MEGF9: variants seen among roughly 807,000 people sequenced by gnomAD.
MEGF9 encodes multiple EGF like domains 9.
A neutral mutation model predicts 46.8 loss-of-function variants in MEGF9; 6 were observed. The ratio of observed to expected loss-of-function variants is 0.13; its 90% confidence interval spans 0.07 to 0.25. MEGF9 has a LOEUF of 0.25. Among genes scored for constraint, MEGF9 ranks in the 10% least tolerant of loss-of-function variants. The pLI is 1.00. For missense variants in MEGF9, 683 were observed against 792.4 expected (o/e 0.86, Z 1.66); for synonymous variants, 302 against 330.7 (o/e 0.91, Z 0.94).
At chr9:120,644,575 CAG>C (rs1245545724) in intron 2 of MEGF9, among the ~76,000 whole-genome samples, 37 of 152,132 alleles carry the variant, frequency 2.4e-4, no homozygotes, top group Non-Finnish European at 4.9e-4. Flanking sequence ...GATAGTCAGA[CAG>C]ATATTAATTT....
chr9:120,713,038 T>C (rs1053777448), intron 1 of MEGF9, among the ~76,000 whole-genome samples: 12 of 152,286 alleles, frequency 7.9e-5, no homozygotes, highest in African/African-American at 2.9e-4. Context: ...GCTTAAATGG[T>C]GTATTTGGCC....
intron 2 of MEGF9, among the ~76,000 whole-genome samples, chr9:120,633,739 A>C (rs778478806): frequency 3.9e-5 from 6 of 152,046 alleles, no homozygotes; most frequent in Non-Finnish European, 7.4e-5. Context: ...ATTGCTATAA[A>C]GTTTCCTTTT....
At chr9:120,696,043 T>C (rs569094150) in intron 1 of MEGF9, among the ~76,000 whole-genome samples, 2 of 152,328 alleles carry the variant, frequency 1.3e-5, no homozygotes, top group South Asian at 4.1e-4. Flanking sequence ...CAAGTGGCAG[T>C]AGCACTTGTT....
At chr9:120,669,362 A>G (rs2043738842) in intron 1 of MEGF9, among the ~76,000 whole-genome samples, 1 of 152,216 alleles carries the variant, frequency 6.6e-6, no homozygotes. Flanking sequence ...AAATAAAATT[A>G]GAGCTGGTCA....
chr9:120,628,926 C>T (rs2043538877), intron 2 of MEGF9, among the ~76,000 whole-genome samples: 1 of 152,100 alleles, frequency 6.6e-6, no homozygotes, highest in South Asian at 2.1e-4. Flanking sequence ...AATCTCATAG[C>T]CTCTGAAAAC....
intron 2 of MEGF9, among the ~76,000 whole-genome samples, chr9:120,630,912 C>A (rs1474737869): frequency 1.3e-5 from 2 of 152,160 alleles, no homozygotes; most frequent in African/African-American, 4.8e-5. Context: ...TTGCAAATAT[C>A]TTCTCCCATT....
At chr9:120,624,237 C>T (rs372692663) in intron 2 of MEGF9, among the ~76,000 whole-genome samples, 16 of 151,922 alleles carry the variant, frequency 1.1e-4, no homozygotes, top group Non-Finnish European at 1.8e-4. Context: ...GATTTTTGTT[C>T]GTTTTTGTTT....
chr9:120,641,468 G>A (rs762405630), intron 2 of MEGF9, among the ~76,000 whole-genome samples: 9 of 152,088 alleles, frequency 5.9e-5, no homozygotes, highest in Admixed American at 1.3e-4. Context: ...AGGTTGAAAT[G>A]CCTCAAAAAA....
intron 2 of MEGF9, among the ~76,000 whole-genome samples, chr9:120,628,478 T>TTC (rs2043536499): frequency 1.4e-5 from 2 of 138,624 alleles, no homozygotes; most frequent in Non-Finnish European, 3.1e-5. Context: ...GTTTTTTTTT[T>TTC]TTTTTTTTTT....
intron 1 of MEGF9, among the ~76,000 whole-genome samples, chr9:120,682,880 C>A (rs2043804896): frequency 6.6e-6 from 1 of 152,120 alleles, no homozygotes. Context: ...CCGCACCCAG[C>A]CCTTACACAT....
At chr9:120,660,280 A>AT (rs2043696427) in intron 1 of MEGF9, among the ~76,000 whole-genome samples, 1 of 152,186 alleles carries the variant, frequency 6.6e-6, no homozygotes, top group South Asian at 2.1e-4. Flanking sequence ...ACATAGGTGT[A>AT]TAAGGTGTAT....
chr9:120,610,584 C>T (rs913361597), intron 4 of MEGF9, among the ~76,000 whole-genome samples: 10 of 152,160 alleles, frequency 6.6e-5, no homozygotes, highest in Admixed American at 1.3e-4. Flanking sequence ...ACTCCCATCA[C>T]GAGACTCAGC....
intron 1 of MEGF9, among the ~76,000 whole-genome samples, chr9:120,699,086 A>C (rs1231993649): frequency 6.6e-6 from 1 of 152,224 alleles, no homozygotes; most frequent in Non-Finnish European, 1.5e-5. Flanking sequence ...GCCAGGGAGT[A>C]CCAAGTCTCA....
At chr9:120,640,864 C>A (rs1438600376) in intron 2 of MEGF9, among the ~76,000 whole-genome samples, 3 of 144,948 alleles carry the variant, frequency 2.1e-5, no homozygotes, top group African/African-American at 7.6e-5. Flanking sequence ...CGCCCACCCT[C>A]CCCCTTCTAG....
chr9:120,656,750 G>A (rs2132321407), intron 2 of MEGF9, among the ~76,000 whole-genome samples: 1 of 151,766 alleles, frequency 6.6e-6, no homozygotes, highest in African/African-American at 2.4e-5. Flanking sequence ...GACAGGACAT[G>A]GATTATTATC....
chr9:120,712,754 C>T, intron 1 of MEGF9, among the ~76,000 whole-genome samples: 1 of 152,302 alleles, frequency 6.6e-6, no homozygotes, highest in East Asian at 1.9e-4. Context: ...CCCAGCTAGA[C>T]AAAGGATTTG....
At chr9:120,627,262 A>C (rs1157315776) in intron 2 of MEGF9, among the ~76,000 whole-genome samples, 2 of 152,188 alleles carry the variant, frequency 1.3e-5, no homozygotes, top group Non-Finnish European at 2.9e-5. Flanking sequence ...GCTGGACCTG[A>C]CTTGCTTTTC....
At chr9:120,642,576 C>G (rs903896662) in intron 2 of MEGF9, among the ~76,000 whole-genome samples, 2 of 152,168 alleles carry the variant, frequency 1.3e-5, no homozygotes, top group African/African-American at 4.8e-5. Context: ...CCTTCTGTTC[C>G]TCCTGCTGCC....
intron 2 of MEGF9, among the ~76,000 whole-genome samples, chr9:120,634,500 G>A (rs1262883102): frequency 3.9e-5 from 4 of 102,600 alleles, no homozygotes; most frequent in Non-Finnish European, 6.8e-5. Context: ...TGTCGCCCAG[G>A]CTGGAGTGCA....
Sources: gnomAD v4.1 joint callset for allele counts (sites outside exome capture counted in the v4.1 genomes callset) on GRCh38, gnomAD v4.1.1 for gene constraint, MANE v1.5 for transcripts, NCBI Gene and HGNC (gene_info 2026-07-23, HGNC 2026-07-21) for gene names.